The following CLEC12A variants were observed in gnomAD, a reference collection of about 807,000 sequenced individuals.
The protein encoded by CLEC12A is C-type lectin domain family 12 member A, also known as C-type lectin protein CLL-1.
A neutral mutation model predicts 26.5 loss-of-function variants in CLEC12A; 22 were observed. The observed-to-expected ratio is 0.83, with a 90% CI of 0.59 to 1.19. CLEC12A has a LOEUF of 1.19. Among genes scored for constraint, CLEC12A ranks in the 50% most tolerant of loss-of-function variants. CLEC12A has a pLI of 0.00. For missense variants in CLEC12A, 353 were observed against 315.6 expected, an observed-to-expected ratio of 1.12 and a Z score of -0.90; for synonymous variants, 119 against 101.9, an observed-to-expected ratio of 1.17 and a Z score of -1.01.
At chr12:9,963,753 A>T (rs956412163) in intron 1 of CLEC12A, among the ~76,000 whole-genome samples, 3 of 152,190 alleles carry the variant, frequency 2.0e-5, no homozygotes, top group African/African-American at 7.2e-5. Flanking sequence ...TGCGAGGCAA[A>T]ACTGGAGAAG....
At chr12:9,997,751 A>T (rs1286636539), downstream of CLEC12A, among the ~76,000 whole-genome samples, 3 of 152,198 alleles carry the variant, frequency 2.0e-5, no homozygotes, top group South Asian at 2.1e-4. Context: ...AACATCTTTT[A>T]AAAAAATCAA....
chr12:9,965,594 T>C (rs1217285024), intron 1 of CLEC12A, among the ~76,000 whole-genome samples: 1 of 151,900 alleles, frequency 6.6e-6, no homozygotes, highest in South Asian at 2.1e-4. Flanking sequence ...GAGGGAGATA[T>C]TGAGGATAGG....
chr12:9,965,523 C>T (rs555194826), intron 1 of CLEC12A, among the ~76,000 whole-genome samples: 7 of 150,746 alleles, frequency 4.6e-5, no homozygotes, highest in African/African-American at 9.8e-5. Flanking sequence ...GCTGGGATGA[C>T]GGGTGCAAAG....
intron 5 of CLEC12A, chr12:9,983,519 T>C (rs1864642749): frequency 1.4e-6 from 1 of 696,350 alleles, no homozygotes; most frequent in Non-Finnish European, 2.6e-6. Context: ...TCTCTGAAAT[T>C]TGGGAAGCAG....
At chr12:9,997,103 A>G, downstream of CLEC12A, 4 of 1,610,120 alleles carry the variant, frequency 2.5e-6, no homozygotes, top group South Asian at 3.3e-5. Flanking sequence ...TTCAGTTGCC[A>G]TCAGAGAAAT....
chr12:9,954,327 T>G (rs932480425), intron 1 of CLEC12A, among the ~76,000 whole-genome samples: 3 of 151,124 alleles, frequency 2.0e-5, no homozygotes, highest in Non-Finnish European at 4.4e-5. Flanking sequence ...AAACCCTGTC[T>G]CTACAAAAAA....
chr12:9,969,013 C>T (rs1012442646), upstream of CLEC12A, among the ~76,000 whole-genome samples: 2 of 152,110 alleles, frequency 1.3e-5, no homozygotes, highest in Admixed American at 6.6e-5. Flanking sequence ...AGACAAATAT[C>T]ACATGTTTCC....
At chr12:9,982,541 G>C (rs1365264343) in intron 5 of CLEC12A, among the ~76,000 whole-genome samples, 3 of 152,062 alleles carry the variant, frequency 2.0e-5, no homozygotes, top group African/African-American at 7.2e-5. Flanking sequence ...GAGATAAAGA[G>C]AATATAGTGT....
downstream of CLEC12A, chr12:9,999,297 G>A: frequency 2.3e-6 from 1 of 437,306 alleles, no homozygotes. Context: ...AGAGATACAT[G>A]GACCTTGAAC....
At chr12:9,960,172 G>A (rs1863806825) in intron 1 of CLEC12A, among the ~76,000 whole-genome samples, 1 of 152,088 alleles carries the variant, frequency 6.6e-6, no homozygotes, top group African/African-American at 2.4e-5. Flanking sequence ...AGTCACTGTG[G>A]GATCCCTCCA....
chr12:9,952,379 G>A (rs1863633962), intron 1 of CLEC12A, among the ~76,000 whole-genome samples: 2 of 150,802 alleles, frequency 1.3e-5, no homozygotes, highest in Non-Finnish European at 3.0e-5. Flanking sequence ...GTTTCGCTGT[G>A]TTGGCCGGGC....
At chr12:9,999,001 A>T, downstream of CLEC12A, 3 of 1,237,694 alleles carry the variant, frequency 2.4e-6, no homozygotes, top group Admixed American at 1.9e-5. Context: ...CATTTTTTAA[A>T]TTAATTTCCA....
rs1565562012 is a variant in CLEC12A at position 9,982,106 on chromosome 12, T to C, written c.618T>C (p.Asp206=). Residue 206 remains aspartate, a synonymous_variant, in exon 5 of 6, where the codon GAT becomes GAC. Transcript: ENST00000304361. ...ATTCCACTCGTGGTATGAGAGTGGA[T>C]AATATAATCAACTCCTCTGCCTGGT... is the stretch of plus-strand genomic sequence containing the variant. ...EEDSTRGMRV[D]NIINSSAWVI... The C allele has an allele frequency of 1.9e-6, 3 of 1,577,424 alleles. No homozygotes were observed. The Admixed American group carries it at 5.0e-5, about 26-fold the overall frequency.
the CLEC12A span, among the ~76,000 whole-genome samples, chr12:10,003,902 C>A: frequency 0.45 from 68,704 of 151,920 alleles, 15,966 homozygotes; most frequent in Middle Eastern, 0.5. Context: ...GGTGACAGAG[C>A]CAGACCATCT....
intron 4 of CLEC12A, among the ~76,000 whole-genome samples, chr12:9,994,173 A>G (rs1864971095): frequency 6.6e-6 from 1 of 152,124 alleles, no homozygotes; most frequent in Non-Finnish European, 1.5e-5. Flanking sequence ...AGAGATGGTC[A>G]TGGAGTTGTG....
downstream of CLEC12A, chr12:9,996,829 C>T (rs559258487): frequency 5.0e-6 from 8 of 1,613,754 alleles, no homozygotes; most frequent in African/African-American, 1.1e-4. Context: ...AAATATTTGA[C>T]ATAAGAATCT....
intron 1 of CLEC12A, among the ~76,000 whole-genome samples, chr12:9,977,772 C>G (rs11615825): frequency 0.073 from 11,063 of 152,130 alleles, 450 homozygotes; most frequent in East Asian, 0.16. Context: ...GCTGTGAAAA[C>G]AGGAACTTGT....
chr12:9,986,081 C>T (rs370741609), downstream of CLEC12A: 1 of 452,880 alleles, frequency 2.2e-6, no homozygotes, highest in Non-Finnish European at 4.4e-6. Flanking sequence ...CAGTGAAATA[C>T]AGATCCCGGC....
chr12:9,954,468 C>T (rs1013249869), intron 1 of CLEC12A, among the ~76,000 whole-genome samples: 1 of 151,856 alleles, frequency 6.6e-6, no homozygotes, highest in Non-Finnish European at 1.5e-5. Context: ...GCACTTCCAG[C>T]CTGGGTGACG....
Sources: allele counts gnomAD v4.1 joint callset (sites outside exome capture counted in the v4.1 genomes callset), GRCh38; gene constraint gnomAD v4.1.1; transcripts MANE v1.5; gene names NCBI Gene and HGNC (gene_info 2026-07-23, HGNC 2026-07-21).